CNTN4: variants seen among roughly 807,000 people sequenced by gnomAD.
CNTN4 encodes contactin-4.
CNTN4 carries 77 observed loss-of-function variants against 122.5 expected under a neutral mutation model. The ratio of observed to expected loss-of-function variants is 0.63; its 90% CI spans 0.52 to 0.76. The LOEUF (loss-of-function observed/expected upper bound fraction) is 0.76, where lower values mean the gene tolerates loss of function less well. Among genes scored for constraint, CNTN4 ranks in the 30% least tolerant of loss-of-function variants. The pLI is 0.00. For synonymous variants in CNTN4, 512 were observed against 447.0 expected (o/e 1.15, Z -1.83); for missense variants, 1,256 against 1,259.1 (o/e 1.00, Z 0.04).
intron 3 of CNTN4, among the ~76,000 whole-genome samples, chr3:2,529,670 G>A (rs1345471173): frequency 2.0e-5 from 3 of 152,026 alleles, no homozygotes; most frequent in Non-Finnish European, 4.4e-5. Flanking sequence ...TTTTTTCACA[G>A]GTAGGTTGAT....
chr3:2,528,419 A>G (rs1211114041), intron 3 of CNTN4, among the ~76,000 whole-genome samples: 2 of 152,194 alleles, frequency 1.3e-5, no homozygotes, highest in Non-Finnish European at 2.9e-5. Flanking sequence ...CATAAAATGA[A>G]CACAGTTATA....
At chr3:2,747,967 A>C (rs550616605) in intron 6 of CNTN4, among the ~76,000 whole-genome samples, 89 of 152,328 alleles carry the variant, frequency 5.8e-4, no homozygotes, top group Non-Finnish European at 1.2e-3. Flanking sequence ...CTCTTCAAAT[A>C]TGTGAAGATA....
At chr3:2,795,301 T>C (rs1196189317) in intron 6 of CNTN4, among the ~76,000 whole-genome samples, 1 of 152,190 alleles carries the variant, frequency 6.6e-6, no homozygotes, top group African/African-American at 2.4e-5. Context: ...TCTGACCTTT[T>C]CCTGGTGGCA....
At chr3:2,353,937 T>A (rs2044757649) in intron 3 of CNTN4, among the ~76,000 whole-genome samples, 1 of 151,804 alleles carries the variant, frequency 6.6e-6, no homozygotes, top group Admixed American at 6.6e-5. Flanking sequence ...AAAAAAAACA[T>A]AAAGGAGTCC....
intron 3 of CNTN4, among the ~76,000 whole-genome samples, chr3:2,352,028 T>A (rs534978830): frequency 2.0e-4 from 31 of 152,288 alleles, no homozygotes; most frequent in Admixed American, 1.8e-3. Context: ...ATTTTTGATT[T>A]TTACATATAT....
chr3:2,112,987 T>C (rs957111438), intron 2 of CNTN4, among the ~76,000 whole-genome samples: 20 of 152,194 alleles, frequency 1.3e-4, no homozygotes, highest in African/African-American at 4.6e-4. Context: ...GTAATTCTTC[T>C]GAGCACCAGA....
intron 2 of CNTN4, among the ~76,000 whole-genome samples, chr3:2,292,528 G>C (rs1051884722): frequency 1.3e-5 from 2 of 152,114 alleles, no homozygotes; most frequent in African/African-American, 2.4e-5. Context: ...TAAAGATATA[G>C]TATATCTTCA....
chr3:2,892,059 T>C (rs1559627354), intron 10 of CNTN4, among the ~76,000 whole-genome samples: 1 of 152,210 alleles, frequency 6.6e-6, no homozygotes, highest in Non-Finnish European at 1.5e-5. Flanking sequence ...AGTTTATAGA[T>C]ATGGAAATTG....
intron 2 of CNTN4, among the ~76,000 whole-genome samples, chr3:2,103,562 A>T (rs2032172320): frequency 6.6e-6 from 1 of 152,102 alleles, no homozygotes; most frequent in Non-Finnish European, 1.5e-5. Context: ...ATTCCTCTTC[A>T]CTTCTCAGCA....
chr3:2,225,090 CA>C (rs376803973), intron 2 of CNTN4, among the ~76,000 whole-genome samples: 38 of 150,212 alleles, frequency 2.5e-4, no homozygotes, highest in Admixed American at 3.3e-4. Context: ...GTAGAGCTTG[CA>C]AGTGAGCCGA....
intron 4 of CNTN4, among the ~76,000 whole-genome samples, chr3:2,606,485 C>A (rs1470542297): frequency 6.6e-6 from 1 of 152,040 alleles, no homozygotes; most frequent in Admixed American, 6.6e-5. Flanking sequence ...ACATGTATCC[C>A]GGAACTTAAA....
chr3:2,580,914 C>T (rs780656775), intron 4 of CNTN4, among the ~76,000 whole-genome samples: 1 of 152,154 alleles, frequency 6.6e-6, no homozygotes, highest in Admixed American at 6.5e-5. Flanking sequence ...TCCAAGGCAG[C>T]ATTTAAATTT....
intron 4 of CNTN4, among the ~76,000 whole-genome samples, chr3:2,702,321 A>C (rs776948236): frequency 6.6e-6 from 1 of 152,258 alleles, no homozygotes; most frequent in Non-Finnish European, 1.5e-5. Context: ...ATACAGGCAC[A>C]TGTAGGTAAA....
At position 2,808,097 on chromosome 3, in the gene CNTN4, G is replaced by T. The variant is rs185355372; in HGVS notation, c.359-11389G>T. 4.0e-3 allele frequency among the ~76,000 whole-genome samples: 615 copies of T among 152,238 alleles called. 2 individuals are homozygous for T. Among genetic ancestry groups the T allele is most frequent in the African/African-American group, 0.014 (566 of 41,560 alleles). ...TTCCTGAAAGGCTAATAAAAGAAAA[G>T]AAATTGAATGAAAAAGTTTGAGATG... On this transcript the variant is annotated intron_variant, in intron 6 of 24. Transcript: ENST00000418658.
chr3:2,414,268 GGAGT>G (rs1559531368), intron 3 of CNTN4, among the ~76,000 whole-genome samples: 1 of 152,102 alleles, frequency 6.6e-6, no homozygotes, highest in African/African-American at 2.4e-5. Flanking sequence ...ACCTTCTTTG[GGAGT>G]AAATTTTAGG....
chr3:2,560,386 C>T (rs2149419877), intron 3 of CNTN4, among the ~76,000 whole-genome samples: 1 of 152,236 alleles, frequency 6.6e-6, no homozygotes, highest in South Asian at 2.1e-4. Context: ...AAGTAATCTG[C>T]CTGCCTTGGC....
intron 4 of CNTN4, among the ~76,000 whole-genome samples, chr3:2,721,581 G>A (rs2087856349): frequency 6.6e-6 from 1 of 152,140 alleles, no homozygotes; most frequent in Non-Finnish European, 1.5e-5. Flanking sequence ...GCATATGTGA[G>A]TGTGAGTGTA....
At chr3:2,562,296 G>A (rs2078990326) in intron 3 of CNTN4, among the ~76,000 whole-genome samples, 1 of 152,094 alleles carries the variant, frequency 6.6e-6, no homozygotes, top group Non-Finnish European at 1.5e-5. Flanking sequence ...ATTGTGTGAT[G>A]CTGAAATTAG....
chr3:2,466,742 T>G (rs1287415613), intron 3 of CNTN4, among the ~76,000 whole-genome samples: 1 of 152,146 alleles, frequency 6.6e-6, no homozygotes, highest in East Asian at 1.9e-4. Flanking sequence ...TCAAATTAAA[T>G]TATTTAATAC....
Sources: allele counts gnomAD v4.1 joint callset (sites outside exome capture counted in the v4.1 genomes callset), GRCh38; gene constraint gnomAD v4.1.1; transcripts MANE v1.5; gene names NCBI Gene and HGNC (gene_info 2026-07-23, HGNC 2026-07-21).